Variants in PTPRQ observed in about 807,000 individuals in gnomAD.
PTPRQ encodes the protein phosphatidylinositol phosphatase PTPRQ.
PTPRQ carries 199 observed loss-of-function variants against 246.0 expected under a neutral mutation model. The ratio of observed to expected loss-of-function variants is 0.81; its 90% CI spans 0.72 to 0.91. The LOEUF (loss-of-function observed/expected upper bound fraction) is 0.91, where lower values mean the gene tolerates loss of function less well. Ranked by LOEUF, PTPRQ falls within the 40% of genes least tolerant of loss-of-function variation. PTPRQ has a pLI of 0.00. For synonymous variants in PTPRQ, 869 were observed against 853.2 expected (o/e 1.02, Z -0.32); for missense variants, 2,624 against 2,528.4 (o/e 1.04, Z -0.81).
chr12:80,495,987 T>C lies in PTPRQ; in HGVS notation c.1883-12T>C. The C allele has an allele frequency of 6.5e-7, 1 of 1,545,798 alleles. No individual in the cohort carries two copies. Among genetic ancestry groups the C allele is most frequent in the South Asian group, 1.2e-5 (1 of 82,456 alleles). On this transcript the variant is annotated splice_polypyrimidine_tract_variant and intron_variant, in intron 12 of 44. Transcript: ENST00000644991. ...TTAAGGACATTAAACAGTTTGTCTC[T>C]TGTCCTTATAGGGTTAAAGAAATAC...
At chr12:80,649,549 T>C in intron 36 of PTPRQ, 39 bp from the exon 37 acceptor site, 1 of 1,543,748 alleles carries the variant, frequency 6.5e-7, no homozygotes, top group Non-Finnish European at 8.7e-7. Context: ...ACAAATACAA[T>C]CTAACATGAC....
chr12:80,519,535 T>C (rs950608751), intron 17 of PTPRQ, among the ~76,000 whole-genome samples: 1 of 152,128 alleles, frequency 6.6e-6, no homozygotes, highest in African/African-American at 2.4e-5. Context: ...ATGGGCACTT[T>C]GAAGGAGGAG....
chr12:80,678,351 G>T (rs367554213), intron 43 of PTPRQ, among the ~76,000 whole-genome samples: 1 of 152,076 alleles, frequency 6.6e-6, no homozygotes, highest in Non-Finnish European at 1.5e-5. Flanking sequence ...CAGCAAGAAA[G>T]AATATATTAA....
At chr12:80,487,921 G>A (rs1265132987) in intron 9 of PTPRQ, among the ~76,000 whole-genome samples, 11 of 152,012 alleles carry the variant, frequency 7.2e-5, no homozygotes, top group African/African-American at 1.4e-4. Context: ...AGTCTCATAA[G>A]GCTGCAAGTA....
intron 29 of PTPRQ, among the ~76,000 whole-genome samples, chr12:80,615,643 A>T (rs1245915250): frequency 6.6e-6 from 1 of 151,108 alleles, no homozygotes; most frequent in South Asian, 2.1e-4. Context: ...GAAGAAGGGC[A>T]TAAAGGCCAT....
At chr12:80,620,561 T>C (rs1898943442) in intron 32 of PTPRQ, among the ~76,000 whole-genome samples, 185 bp downstream of exon 32, 1 of 151,766 alleles carries the variant, frequency 6.6e-6, no homozygotes, top group Non-Finnish European at 1.5e-5. Flanking sequence ...TCCATAAACA[T>C]ACAGTATTAT....
At chr12:80,463,906 C>G (rs914069706) in intron 6 of PTPRQ, among the ~76,000 whole-genome samples, 4 of 151,618 alleles carry the variant, frequency 2.6e-5, no homozygotes, top group African/African-American at 9.7e-5. Context: ...CCAGCCGCTG[C>G]AAAATCATGC....
chr12:80,521,764 A>G (rs1895499189), intron 17 of PTPRQ, among the ~76,000 whole-genome samples: 1 of 152,192 alleles, frequency 6.6e-6, no homozygotes, highest in Non-Finnish European at 1.5e-5. Flanking sequence ...TGGTTACAGT[A>G]GCCTTGTAGT....
At chr12:80,609,610 A>G (rs543859164) in intron 27 of PTPRQ, among the ~76,000 whole-genome samples, 37 of 150,772 alleles carry the variant, frequency 2.5e-4, no homozygotes, top group Admixed American at 4.7e-4. Context: ...TGAACAAATC[A>G]TATAGCTACA....
chr12:80,479,272 A>C (rs886298593), intron 8 of PTPRQ, among the ~76,000 whole-genome samples: 157 of 148,732 alleles, frequency 1.1e-3, no homozygotes, highest in Non-Finnish European at 1.7e-3. Flanking sequence ...TATCCAGCCA[A>C]ACTAAGCTTC....
In PTPRQ at chr12:80,459,352, T is replaced by C. The variant is rs752192510; in HGVS notation, c.529T>C (p.Leu177=). 3.5e-5 allele frequency: 14 copies of C among 398,356 alleles called. No individual in the cohort carries two copies. The highest frequency in any genetic ancestry group is 4.4e-5 in the Admixed American group (1 of 22,714). The allele number at this position is 398,356 out of a possible 1,614,324, so 24.7% of individuals were successfully genotyped here. A position where few individuals can be genotyped will look rare whatever the true frequency, so the allele number is the denominator to read the frequency against. The change falls in exon 5 of 45, where the codon TTA becomes CTA. Residue 177 remains leucine (L), a synonymous_variant. Coordinates refer to ENST00000644991, the MANE Select transcript of PTPRQ (RefSeq NM_001145026.2). ...NASAVKLIWY[L]PRQPNGKITS... ...TTCAGCAGTTAAGCTGATTTGGTAT[T>C]TACCTCGGCAACCAAATGGCAAAAT...
At chr12:80,641,786 G>A (rs1899864121) in intron 35 of PTPRQ, among the ~76,000 whole-genome samples, 1 of 151,972 alleles carries the variant, frequency 6.6e-6, no homozygotes, top group Non-Finnish European at 1.5e-5. Context: ...GAGCAACTCT[G>A]CTGAATGTCT....
chr12:80,481,022 T>C (rs1272281025), intron 8 of PTPRQ, among the ~76,000 whole-genome samples: 19 of 152,140 alleles, frequency 1.2e-4, no homozygotes. Flanking sequence ...TAACTCATTT[T>C]ATGAGGCCAG....
chr12:80,658,500 A>G (rs553786552), intron 39 of PTPRQ, among the ~76,000 whole-genome samples: 2 of 151,998 alleles, frequency 1.3e-5, no homozygotes, highest in African/African-American at 4.8e-5. Context: ...CATCATAGGT[A>G]CATTGAAACC....
chr12:80,595,945 T>C (rs11114520), intron 26 of PTPRQ, among the ~76,000 whole-genome samples: 7,365 of 152,154 alleles, frequency 0.048, 242 homozygotes, highest in Non-Finnish European at 0.067. Context: ...AATTATTGCA[T>C]ATAGAAAGGA....
Position 80,444,866 on chromosome 12 carries a change from A to T in PTPRQ, c.163+17A>T. ...ATGTAACAAGTGAGTATATGTTTTA[A>T]ATTACTTTGTAAGTAAAGTATTTGG... On this transcript the variant is annotated intron_variant, in intron 2 of 44. Transcript: ENST00000644991. The T allele has an allele frequency of 6.6e-7, 1 of 1,504,184 alleles. No individual in the cohort carries two copies. Among genetic ancestry groups the T allele is most frequent in the Non-Finnish European group, 8.9e-7 (1 of 1,119,074 alleles). The allele number at this position is 1,504,184 out of a possible 1,614,324, so 93.2% of individuals were successfully genotyped here. A position where few individuals can be genotyped will look rare whatever the true frequency, so the allele number is the denominator to read the frequency against.
In PTPRQ at chr12:80,620,239, C is replaced by A. The variant is rs1176297941; in HGVS notation, c.5475C>A (p.Asn1825Lys). 6.5e-7 allele frequency: 1 copy of A among 1,549,294 alleles called. No individual in the cohort carries two copies. The highest frequency in any genetic ancestry group is 1.2e-5 in the South Asian group (1 of 83,988). Residue 1825 changes from asparagine (N) to lysine (K), a missense_variant, in exon 32 of 45, where the codon AAC becomes AAA. Physicochemically the swap from Asn to Lys is moderately conservative, Grantham distance 94. Coordinates refer to ENST00000644991, the MANE Select transcript of PTPRQ (RefSeq NM_001145026.2). ...ATTTTACAAATGAAGGCTTTCCTAA[C>A]CCTCCATGTACAGAAGGAAAGACAA... ...RPYFTNEGFPNPPCTEGKTKF... is the reference protein window; with the variant it reads ...RPYFTNEGFPKPPCTEGKTKF...
intron 19 of PTPRQ, 83 bp downstream of exon 19, chr12:80,535,120 T>G: frequency 7.6e-7 from 1 of 1,314,636 alleles, no homozygotes; most frequent in Non-Finnish European, 1.0e-6. Flanking sequence ...TAAAAGAAAT[T>G]GTTTACCTTA....
chr12:80,452,787 C>T (rs1371977702), intron 3 of PTPRQ, among the ~76,000 whole-genome samples: 1 of 152,168 alleles, frequency 6.6e-6, no homozygotes. Flanking sequence ...TTCTCTCTGG[C>T]TGCCCTTAAC....
Sources: gnomAD v4.1 joint callset for allele counts (sites outside exome capture counted in the v4.1 genomes callset) on GRCh38, gnomAD v4.1.1 for gene constraint, MANE v1.5 for transcripts, NCBI Gene and HGNC (gene_info 2026-07-23, HGNC 2026-07-21) for gene names.